The following CLIC4 variants were observed in gnomAD, a reference collection of about 807,000 sequenced individuals.
CLIC4 encodes the protein chloride intracellular channel protein 4.
CLIC4 carries 13 observed loss-of-function variants against 24.6 expected under a neutral mutation model. That is an observed-to-expected ratio of 0.53 (90% CI 0.34 to 0.84). The LOEUF (loss-of-function observed/expected upper bound fraction) is 0.84, where lower values mean the gene tolerates loss of function less well. Ranked by LOEUF, CLIC4 falls within the 40% of genes least tolerant of loss-of-function variation. CLIC4 has a pLI of 0.01. For synonymous variants in CLIC4, 104 were observed against 111.3 expected (o/e 0.93, Z 0.41); for missense variants, 227 against 301.7 (o/e 0.75, Z 1.83).
chr1:24,805,418 G>A (rs771936776), intron 2 of CLIC4, among the ~76,000 whole-genome samples: 50 of 152,150 alleles, frequency 3.3e-4, no homozygotes, highest in Middle Eastern at 6.8e-3. Flanking sequence ...GTAGTAAAGC[G>A]TTCTGAAACA....
intron 1 of CLIC4, among the ~76,000 whole-genome samples, chr1:24,750,141 G>T (rs1638756002): frequency 6.6e-6 from 1 of 152,194 alleles, no homozygotes; most frequent in Admixed American, 6.5e-5. Flanking sequence ...AGCCCTAGAG[G>T]CTGCGGGTGG....
intron 2 of CLIC4, among the ~76,000 whole-genome samples, chr1:24,804,828 A>G (rs962512810): frequency 1.1e-4 from 17 of 152,046 alleles, no homozygotes; most frequent in African/African-American, 3.9e-4. Context: ...GGGCCAGGCA[A>G]AGTGGCTCAC....
intron 2 of CLIC4, among the ~76,000 whole-genome samples, chr1:24,798,547 C>T (rs982551188): frequency 6.6e-6 from 1 of 152,168 alleles, no homozygotes; most frequent in Non-Finnish European, 1.5e-5. Context: ...TCACCTTTAG[C>T]AAACAGGTCT....
chr1:24,803,751 T>C (rs1254268926), intron 2 of CLIC4, among the ~76,000 whole-genome samples: 1 of 152,190 alleles, frequency 6.6e-6, no homozygotes, highest in Non-Finnish European at 1.5e-5. Context: ...ATGTCATCAG[T>C]TGGGAAACAA....
intron 1 of CLIC4, among the ~76,000 whole-genome samples, chr1:24,777,355 C>G (rs1639153232): frequency 6.6e-6 from 1 of 152,160 alleles, no homozygotes; most frequent in African/African-American, 2.4e-5. Context: ...ACCAGCCTGA[C>G]CAACATGGTG....
intron 1 of CLIC4, among the ~76,000 whole-genome samples, chr1:24,779,207 C>T (rs1394802434): frequency 5.9e-5 from 9 of 152,274 alleles, no homozygotes; most frequent in African/African-American, 9.6e-5. Context: ...TGGTAGCTTA[C>T]GCCTGTACTC....
intron 1 of CLIC4, among the ~76,000 whole-genome samples, chr1:24,789,667 A>T (rs763164872): frequency 5.5e-4 from 84 of 151,750 alleles, no homozygotes; most frequent in Admixed American, 3.3e-3. Flanking sequence ...GAACCCATCT[A>T]CTGAGTTTTT....
intron 5 of CLIC4, 109 bp downstream of exon 5, chr1:24,840,150 T>C: frequency 6.8e-6 from 7 of 1,036,134 alleles, no homozygotes; most frequent in Non-Finnish European, 9.9e-6. Context: ...ACTAGTTGTT[T>C]AACTCAATGC....
chr1:24,810,302 T>G (rs993128462), intron 2 of CLIC4, among the ~76,000 whole-genome samples: 43 of 152,226 alleles, frequency 2.8e-4, no homozygotes, highest in African/African-American at 9.6e-4. Context: ...TTATATCTCT[T>G]AAGTTTTTCT....
At chr1:24,765,103 C>G (rs987326817) in intron 1 of CLIC4, among the ~76,000 whole-genome samples, 1 of 152,178 alleles carries the variant, frequency 6.6e-6, no homozygotes, top group African/African-American at 2.4e-5. Flanking sequence ...CTAGGAAGAT[C>G]TGGTTTTCCT....
intron 1 of CLIC4, among the ~76,000 whole-genome samples, chr1:24,748,492 G>GTTTTTTT (rs1360200160): frequency 9.5e-5 from 6 of 63,200 alleles, no homozygotes; most frequent in Non-Finnish European, 1.1e-4. Context: ...TACAGATCAG[G>GTTTTTTT]TTTTTTGTTT....
intron 1 of CLIC4, among the ~76,000 whole-genome samples, chr1:24,759,915 C>A (rs1004153835): frequency 6.6e-6 from 1 of 151,912 alleles, no homozygotes; most frequent in Non-Finnish European, 1.5e-5. Flanking sequence ...AATCCATAAT[C>A]GTGTCACTGC....
chr1:24,775,900 T>C (rs1639135029), intron 1 of CLIC4, among the ~76,000 whole-genome samples: 1 of 151,956 alleles, frequency 6.6e-6, no homozygotes, highest in Non-Finnish European at 1.5e-5. Flanking sequence ...TGGATTATAT[T>C]CTGGATATTA....
chr1:24,828,684 T>C (rs936714259), intron 4 of CLIC4, among the ~76,000 whole-genome samples: 2 of 33,132 alleles, frequency 6.0e-5, no homozygotes, highest in Non-Finnish European at 1.3e-4. Context: ...GGGATGAGGA[T>C]GGGGCGGGGT....
chr1:24,794,098 A>C (rs897839533), intron 1 of CLIC4, among the ~76,000 whole-genome samples: 1 of 151,988 alleles, frequency 6.6e-6, no homozygotes, highest in Non-Finnish European at 1.5e-5. Context: ...TCCTTTTTAA[A>C]CTTGGGGCTG....
At chr1:24,789,740 T>C (rs142493456) in intron 1 of CLIC4, among the ~76,000 whole-genome samples, 1 of 152,288 alleles carries the variant, frequency 6.6e-6, no homozygotes, top group African/African-American at 2.4e-5. Context: ...TATATCTTTT[T>C]TTTTTAACTT....
intron 4 of CLIC4, among the ~76,000 whole-genome samples, chr1:24,828,398 A>G (rs1332093502): frequency 2.6e-5 from 4 of 152,010 alleles, no homozygotes; most frequent in Non-Finnish European, 5.9e-5. Context: ...GTTTCTGTCT[A>G]AGCAATTTAT....
intron 3 of CLIC4, among the ~76,000 whole-genome samples, chr1:24,818,839 C>A (rs1318667293): frequency 2.6e-5 from 4 of 151,186 alleles, no homozygotes; most frequent in Non-Finnish European, 5.9e-5. Flanking sequence ...AAAAGATGTT[C>A]AGCAGTTGAA....
chr1:24,796,885 C>T (rs1639410529), intron 1 of CLIC4, among the ~76,000 whole-genome samples: 1 of 152,100 alleles, frequency 6.6e-6, no homozygotes, highest in Non-Finnish European at 1.5e-5. Flanking sequence ...GGATCATCGC[C>T]ATCATGCATT....
Sources: allele counts gnomAD v4.1 joint callset (sites outside exome capture counted in the v4.1 genomes callset), GRCh38; gene constraint gnomAD v4.1.1; transcripts MANE v1.5; gene names NCBI Gene and HGNC (gene_info 2026-07-23, HGNC 2026-07-21).